Variants in TTLL6 observed in about 807,000 individuals in gnomAD.
The protein encoded by TTLL6 is tubulin polyglutamylase TTLL6.
In TTLL6, 75 loss-of-function variants were observed where a neutral mutation model predicts 96.4. The ratio of observed to expected loss-of-function variants is 0.78; its 90% CI spans 0.65 to 0.94. The LOEUF (loss-of-function observed/expected upper bound fraction) is 0.94, where lower values mean the gene tolerates loss of function less well. TTLL6 is among the 40% of genes least tolerant of loss of function. TTLL6 has a pLI of 0.00. For missense variants in TTLL6, 1,030 were observed against 1,093.0 expected, an observed-to-expected ratio of 0.94 and a Z score of 0.81; for synonymous variants, 411 against 419.4, an observed-to-expected ratio of 0.98 and a Z score of 0.24.
At position 48,786,527 on chromosome 17, in the gene TTLL6, C is replaced by A. The variant is rs117155757; in HGVS notation, c.1590-192G>T. 1.4e-4 allele frequency among the ~76,000 whole-genome samples: 21 copies of A among 152,320 alleles called. No individual in the cohort carries two copies. In the East Asian group the frequency reaches 3.5e-3, roughly 25 times the overall value. Reference sequence around the variant, plus strand: ...TGGAGGAAAGCATCATTCTGCCAACCATACCATCCCCTGTGTGGGAATAGC... The same window carrying A: ...TGGAGGAAAGCATCATTCTGCCAACAATACCATCCCCTGTGTGGGAATAGC... On this transcript the variant is annotated intron_variant, in intron 11 of 15. Transcript: ENST00000393382.
chr17:48,798,228 C>T (rs2039353486), intron 6 of TTLL6, among the ~76,000 whole-genome samples: 1 of 152,080 alleles, frequency 6.6e-6, no homozygotes, highest in Admixed American at 6.6e-5. Context: ...TTAAGACCAG[C>T]CTCAGCAACA....
rs574733225 is a variant in TTLL6, at chr17:48,810,741, A to G, written c.104-5750T>C. 7.8e-5 allele frequency among the ~76,000 whole-genome samples: 11 copies of G among 141,582 alleles called. No homozygotes were observed. The East Asian group carries it at 2.0e-3, about 26-fold the overall frequency. The allele number at this position is 141,582 out of a possible 152,430, so 92.9% of individuals were successfully genotyped here. ...CTATGTGTATATATAGTATGTGTGTATATATATATAGTACATATATACACA... is the reference window on the plus strand; with the variant it reads ...CTATGTGTATATATAGTATGTGTGTGTATATATATAGTACATATATACACA... On this transcript the variant is annotated intron_variant, in intron 1 of 15. Transcript: ENST00000393382.
At chr17:48,763,656 C>A (rs1000425841) in intron 15 of TTLL6, among the ~76,000 whole-genome samples, 1 of 152,042 alleles carries the variant, frequency 6.6e-6, no homozygotes, top group East Asian at 1.9e-4. Flanking sequence ...CAAACATTAG[C>A]CAGGAACAGT....
At chr17:48,786,602 C>G (rs2039101235) in intron 11 of TTLL6, among the ~76,000 whole-genome samples, 1 of 152,228 alleles carries the variant, frequency 6.6e-6, no homozygotes, top group African/African-American at 2.4e-5. Context: ...TCCATCACAG[C>G]CCTATTTGTT....
intron 8 of TTLL6, among the ~76,000 whole-genome samples, chr17:48,793,131 C>A (rs565445618): frequency 6.6e-6 from 1 of 152,120 alleles, no homozygotes; most frequent in Non-Finnish European, 1.5e-5. Flanking sequence ...TGAGTTTGTG[C>A]GCCAGTGGGG....
chr17:48,770,163 TTTTTA>T, intron 13 of TTLL6, 66 bp from the exon 14 acceptor site: 1 of 1,501,558 alleles, frequency 6.7e-7, no homozygotes, highest in Non-Finnish European at 8.9e-7. Flanking sequence ...TGCTATTTTT[TTTTTA>T]TTTTTATTTT....
intron 15 of TTLL6, among the ~76,000 whole-genome samples, chr17:48,763,709 G>C (rs1259238456): frequency 1.3e-5 from 2 of 152,178 alleles, no homozygotes; most frequent in Non-Finnish European, 2.9e-5. Flanking sequence ...TGAGGCAGGA[G>C]AATCAGTTGA....
chr17:48,772,760 A>T (rs1212500083), intron 13 of TTLL6, among the ~76,000 whole-genome samples: 1 of 151,620 alleles, frequency 6.6e-6, no homozygotes, highest in African/African-American at 2.4e-5. Flanking sequence ...AAAAGAATGT[A>T]TGCATACAAA....
intron 7 of TTLL6, among the ~76,000 whole-genome samples, 152 bp from the exon 8 acceptor site, chr17:48,796,298 G>A (rs573179088): frequency 6.6e-6 from 1 of 152,264 alleles, no homozygotes; most frequent in Non-Finnish European, 1.5e-5. Context: ...CAGGAAGTAA[G>A]AAGGGGTGTC....
chr17:48,786,422 G>A (rs2039097142), intron 11 of TTLL6, 87 bp from the exon 12 acceptor site: 1 of 1,540,170 alleles, frequency 6.5e-7, no homozygotes, highest in African/African-American at 1.4e-5. Context: ...ACATGACTGG[G>A]CGAAAAGTTA....
intron 13 of TTLL6, among the ~76,000 whole-genome samples, chr17:48,774,430 C>T (rs1159353754): frequency 6.6e-6 from 1 of 151,588 alleles, no homozygotes; most frequent in Non-Finnish European, 1.5e-5. Context: ...TCCCAAAGTG[C>T]TAGGATTACA....
In TTLL6 at chr17:48,810,823, G is replaced by GTA. The variant is rs1378796331; in HGVS notation, c.104-5833_104-5832insTA. Among the ~76,000 whole-genome samples the GTA allele has an allele frequency of 9.9e-4, 65 of 65,796 alleles. 2 individuals carry two copies. The highest frequency in any genetic ancestry group is 2.0e-3 in the South Asian group (4 of 2,004). 43.2% of individuals were successfully genotyped at this position (65,796 alleles called of 152,430 possible). On this transcript the variant is annotated intron_variant, in intron 1 of 15. Coordinates refer to ENST00000393382, the MANE Select transcript of TTLL6 (RefSeq NM_001130918.3). ...ATATATACACATATATAGTATGTGT[G>GTA]TGTATATATATATATATATATATAT...
intron 15 of TTLL6, among the ~76,000 whole-genome samples, chr17:48,766,661 C>T (rs1248363130): frequency 2.6e-5 from 4 of 152,084 alleles, no homozygotes; most frequent in Non-Finnish European, 5.9e-5. Context: ...GCCAGGATTT[C>T]GAGAACAACT....
At chr17:48,805,299 G>A (rs1230196807) in intron 1 of TTLL6, among the ~76,000 whole-genome samples, 1 of 152,212 alleles carries the variant, frequency 6.6e-6, no homozygotes, top group Non-Finnish European at 1.5e-5. Context: ...ATTAAAGTGA[G>A]TGAGTGTCTG....
At chr17:48,768,944 C>T in intron 15 of TTLL6, 45 bp downstream of exon 15, 18 of 1,592,408 alleles carry the variant, frequency 1.1e-5, no homozygotes, top group Non-Finnish European at 1.5e-5. Context: ...ACACAGAGCA[C>T]CTGCCAACGC....
At position 48,787,855 on chromosome 17, in the gene TTLL6, G is replaced by C; in HGVS notation, c.1545C>G (p.Leu515=). The C allele has an allele frequency of 6.2e-7, 1 of 1,614,250 alleles. No homozygotes were observed. Among genetic ancestry groups the C allele is most frequent in the Non-Finnish European group, 8.5e-7 (1 of 1,180,044 alleles). Reference sequence around the variant, plus strand: ...CCCTGGAAGCAACAGTATTCTGGAAGAGGGAGTTGTTGTCCTGGAAAAACT... The same window carrying C: ...CCCTGGAAGCAACAGTATTCTGGAACAGGGAGTTGTTGTCCTGGAAAAACT... ...YEKFFQDNNS[L]FQNTVASRAR... The change falls in exon 11 of 16, where the codon CTC becomes CTG. Residue 515 remains leucine (L), a synonymous_variant. Transcript: ENST00000393382.
Position 48,783,517 on chromosome 17 carries a change from C to T in TTLL6, c.2040+1406G>A, listed in dbSNP as rs552093543. Among the ~76,000 whole-genome samples the T allele has an allele frequency of 2.2e-3, 337 of 152,012 alleles. 2 individuals are homozygous for T. The highest frequency in any genetic ancestry group is 7.9e-3 in the African/African-American group (327 of 41,438). On this transcript the variant is annotated intron_variant, in intron 13 of 15. Transcript: ENST00000393382. ...CATGATCTGGGCTCACTGCAACCTCCACCTACCGGGTTCAAGCAATTCTGT... is the reference window on the plus strand; with the variant it reads ...CATGATCTGGGCTCACTGCAACCTCTACCTACCGGGTTCAAGCAATTCTGT...
intron 1 of TTLL6, among the ~76,000 whole-genome samples, chr17:48,805,417 T>G (rs750987226): frequency 3.0e-4 from 45 of 152,194 alleles, no homozygotes; most frequent in Middle Eastern, 6.8e-3. Flanking sequence ...GCACTGAACC[T>G]CCACACAGCA....
chr17:48,792,727 C>T (rs1051209446), intron 8 of TTLL6, among the ~76,000 whole-genome samples: 1 of 152,110 alleles, frequency 6.6e-6, no homozygotes, highest in Non-Finnish European at 1.5e-5. Context: ...GACAGATAAG[C>T]AAAGGATACT....
Sources: allele counts gnomAD v4.1 joint callset (sites outside exome capture counted in the v4.1 genomes callset), GRCh38; gene constraint gnomAD v4.1.1; transcripts MANE v1.5; gene names NCBI Gene and HGNC (gene_info 2026-07-23, HGNC 2026-07-21).